The following GRIK2 variants were observed in gnomAD, a reference collection of about 807,000 sequenced individuals.
GRIK2 encodes the protein glutamate receptor ionotropic, kainate 2.
A neutral mutation model predicts 100.3 loss-of-function variants in GRIK2; 32 were observed. The observed-to-expected ratio is 0.32, with a 90% CI of 0.24 to 0.43. The LOEUF (loss-of-function observed/expected upper bound fraction) is 0.43. Ranked by LOEUF, GRIK2 falls within the 20% of genes least tolerant of loss-of-function variation. The probability of loss-of-function intolerance (pLI) is 1.00; values close to 1 mark genes in which losing one functional copy is unlikely to be tolerated. For missense variants in GRIK2, 843 were observed against 1,114.9 expected (o/e 0.76, Z 3.47); for synonymous variants, 417 against 389.4 (o/e 1.07, Z -0.83).
intron 16 of GRIK2, among the ~76,000 whole-genome samples, chr6:102,064,360 T>C (rs973228063): frequency 1.4e-5 from 2 of 145,808 alleles, no homozygotes; most frequent in Middle Eastern, 6.9e-3. Context: ...CTTTCCTTCC[T>C]TCCTTCTTTC....
At chr6:101,521,607 T>C in intron 2 of GRIK2, among the ~76,000 whole-genome samples, 1 of 151,962 alleles carries the variant, frequency 6.6e-6, no homozygotes, top group Non-Finnish European at 1.5e-5. Context: ...TTATCAGAAT[T>C]TGAATAGCGT....
At chr6:101,864,300 G>A (rs1396088734) in intron 11 of GRIK2, among the ~76,000 whole-genome samples, 1 of 152,168 alleles carries the variant, frequency 6.6e-6, no homozygotes, top group African/African-American at 2.4e-5. Context: ...GTAATGACAG[G>A]AAGTAGGAAA....
intron 2 of GRIK2, among the ~76,000 whole-genome samples, chr6:101,451,720 C>T (rs188356394): frequency 1.3e-5 from 2 of 150,728 alleles, no homozygotes; most frequent in African/African-American, 4.9e-5. Context: ...CCAAATACCT[C>T]CCACTTTTGT....
chr6:101,753,032 C>T (rs548929419), intron 7 of GRIK2, among the ~76,000 whole-genome samples: 3 of 152,194 alleles, frequency 2.0e-5, no homozygotes, highest in Admixed American at 6.5e-5. Context: ...CGGTGGCTCA[C>T]GCTTGTAATC....
chr6:101,818,835 C>G lies in GRIK2; in HGVS notation c.1317+352C>G, dbSNP rs73512769. Among the ~76,000 whole-genome samples, 6 of 152,116 alleles carry G rather than the reference C, an allele frequency of 3.9e-5. No individual in the cohort carries two copies. The South Asian group carries it at 1.2e-3, about 32-fold the overall frequency. On this transcript the variant is annotated intron_variant, in intron 10 of 16. Coordinates refer to ENST00000369134, the MANE Select transcript of GRIK2 (RefSeq NM_021956.5). Reference sequence around the variant, plus strand: ...AGTTAAGTGATGAGCCAAAAGTGAACTTTGCTTCTGCTTTTATTTTCCGCA... The same window carrying G: ...AGTTAAGTGATGAGCCAAAAGTGAAGTTTGCTTCTGCTTTTATTTTCCGCA...
chr6:101,898,538 A>G (rs958779220), intron 12 of GRIK2, among the ~76,000 whole-genome samples: 2 of 151,988 alleles, frequency 1.3e-5, no homozygotes, highest in Non-Finnish European at 2.9e-5. Context: ...GATTGCAAAT[A>G]AGAAAGCTTG....
intron 11 of GRIK2, among the ~76,000 whole-genome samples, chr6:101,876,511 ACAC>A (rs1785858166): frequency 6.6e-6 from 1 of 151,720 alleles, no homozygotes; most frequent in East Asian, 1.9e-4. Flanking sequence ...ACACACACAC[ACAC>A]ACACAAAACC....
At chr6:101,915,300 A>T (rs531829104) in intron 12 of GRIK2, among the ~76,000 whole-genome samples, 2 of 151,456 alleles carry the variant, frequency 1.3e-5, no homozygotes, top group South Asian at 2.1e-4. Flanking sequence ...AGAAATTGCC[A>T]TGCAGGTTAC....
intron 14 of GRIK2, among the ~76,000 whole-genome samples, chr6:102,007,523 T>A (rs1280887849): frequency 6.6e-6 from 1 of 152,094 alleles, no homozygotes; most frequent in East Asian, 1.9e-4. Context: ...GATCCTGTAT[T>A]TATGGAGGTG....
chr6:101,791,228 G>T (rs1387884136), intron 7 of GRIK2, among the ~76,000 whole-genome samples: 1 of 152,216 alleles, frequency 6.6e-6, no homozygotes, highest in South Asian at 2.1e-4. Context: ...TCTGATTTTA[G>T]TTGTTTCTTG....
chr6:101,804,671 T>C (rs1780875777), intron 9 of GRIK2, among the ~76,000 whole-genome samples: 1 of 151,928 alleles, frequency 6.6e-6, no homozygotes, highest in Non-Finnish European at 1.5e-5. Flanking sequence ...GAATTACTAG[T>C]AGAAATAAAC....
intron 15 of GRIK2, among the ~76,000 whole-genome samples, chr6:102,042,979 T>G (rs980410665): frequency 2.0e-5 from 3 of 151,616 alleles, no homozygotes; most frequent in Admixed American, 6.6e-5. Context: ...TTAGAGGATA[T>G]ACAGAATATT....
chr6:101,645,893 T>C (rs1296875352), intron 4 of GRIK2, among the ~76,000 whole-genome samples: 1 of 152,006 alleles, frequency 6.6e-6, no homozygotes, highest in Non-Finnish European at 1.5e-5. Flanking sequence ...CTACAGTTAA[T>C]AATAAAAATT....
At chr6:101,726,720 G>A (rs1034589856) in intron 7 of GRIK2, among the ~76,000 whole-genome samples, 2 of 151,976 alleles carry the variant, frequency 1.3e-5, no homozygotes, top group East Asian at 1.9e-4. Context: ...CATTTTATAT[G>A]CACAACTATC....
chr6:101,605,379 T>A (rs1307240229), intron 2 of GRIK2, among the ~76,000 whole-genome samples: 2 of 152,046 alleles, frequency 1.3e-5, no homozygotes, highest in African/African-American at 4.8e-5. Flanking sequence ...TTCTGTATTC[T>A]CTTTCTTACT....
At chr6:101,581,421 A>T (rs973598482) in intron 2 of GRIK2, among the ~76,000 whole-genome samples, 1 of 152,036 alleles carries the variant, frequency 6.6e-6, no homozygotes, top group Non-Finnish European at 1.5e-5. Context: ...CAAGTCCCAA[A>T]GCTGAAGAAC....
intron 4 of GRIK2, among the ~76,000 whole-genome samples, chr6:101,637,314 G>A (rs896917616): frequency 1.3e-5 from 2 of 152,102 alleles, no homozygotes; most frequent in Non-Finnish European, 2.9e-5. Flanking sequence ...TTATTTGAAT[G>A]TCTCATAGGT....
At chr6:101,760,846 A>G (rs921686926) in intron 7 of GRIK2, among the ~76,000 whole-genome samples, 2 of 149,470 alleles carry the variant, frequency 1.3e-5, no homozygotes, top group Non-Finnish European at 3.0e-5. Flanking sequence ...ACAATCTATG[A>G]AAAGTTAACA....
intron 7 of GRIK2, among the ~76,000 whole-genome samples, chr6:101,724,891 T>A (rs1774750519): frequency 6.6e-6 from 1 of 152,010 alleles, no homozygotes; most frequent in Non-Finnish European, 1.5e-5. Flanking sequence ...CTCCACTCTG[T>A]TTAACATTTC....
Sources: allele counts gnomAD v4.1 joint callset (sites outside exome capture counted in the v4.1 genomes callset), GRCh38; gene constraint gnomAD v4.1.1; transcripts MANE v1.5; gene names NCBI Gene and HGNC (gene_info 2026-07-23, HGNC 2026-07-21).